The following PPP2R2B variants were observed in gnomAD, a reference collection of about 807,000 sequenced individuals.
PPP2R2B encodes the protein serine/threonine-protein phosphatase 2A 55 kDa regulatory subunit B beta isoform.
A neutral mutation model predicts 46.0 loss-of-function variants in PPP2R2B; 5 were observed. The observed-to-expected ratio is 0.11, with a 90% CI of 0.06 to 0.23. The LOEUF is 0.23. Among genes scored for constraint, PPP2R2B ranks in the 10% least tolerant of loss-of-function variants. The pLI, the probability that PPP2R2B is intolerant of heterozygous loss-of-function variation, is 1.00. For synonymous variants in PPP2R2B, 215 were observed against 206.7 expected, an observed-to-expected ratio of 1.04 and a Z score of -0.34; for missense variants, 367 against 575.0, an observed-to-expected ratio of 0.64 and a Z score of 3.70.
chr5:146,651,476 G>C (rs927449906), intron 5 of PPP2R2B, among the ~76,000 whole-genome samples: 2 of 152,172 alleles, frequency 1.3e-5, no homozygotes, highest in South Asian at 2.1e-4. Context: ...TCTTTCTGGT[G>C]GATCAGAGAA....
chr5:147,055,105 AC>A (rs1206233206), intron 1 of PPP2R2B, among the ~76,000 whole-genome samples: 7 of 152,076 alleles, frequency 4.6e-5, no homozygotes, highest in African/African-American at 1.7e-4. Context: ...TTAACTTAGG[AC>A]CCCCAGAAAC....
intron 1 of PPP2R2B, chr5:146,922,635 C>G (rs1763645670): frequency 6.6e-6 from 1 of 152,166 alleles, no homozygotes; most frequent in East Asian, 1.9e-4. Context: ...ACCCTCTCAG[C>G]ACATAGCATT....
intron 2 of PPP2R2B, among the ~76,000 whole-genome samples, chr5:146,800,307 A>G (rs1373115696): frequency 6.6e-6 from 1 of 152,070 alleles, no homozygotes; most frequent in Non-Finnish European, 1.5e-5. Context: ...AAATTATCTC[A>G]CTTCATCCTC....
At chr5:147,078,947 C>T (rs1210121219) in intron 2 of PPP2R2B, among the ~76,000 whole-genome samples, 1 of 152,034 alleles carries the variant, frequency 6.6e-6, no homozygotes, top group Non-Finnish European at 1.5e-5. Context: ...AAGGCATTCA[C>T]TTGAGCTTCA....
rs1187673755 is a variant in PPP2R2B at position 146,581,676 on chromosome 5, A to C, written c.*8271T>G. 1.3e-5 allele frequency: 2 copies of C among 152,230 alleles called. No homozygotes were observed. Among genetic ancestry groups the C allele is most frequent in the Non-Finnish European group, 2.9e-5 (2 of 68,042 alleles). 9.4% of individuals were successfully genotyped at this position (152,230 alleles called of 1,614,324 possible). On this transcript the variant is annotated 3_prime_UTR_variant, in exon 10 of 10. Coordinates refer to ENST00000394411, the MANE Select transcript of PPP2R2B (RefSeq NM_181675.4). Reference sequence around the variant, plus strand: ...AGAGTCCAGCATAGACTGAAAGGCCATTCCGCAGTGTATTTCAGATCAGTT... The same window carrying C: ...AGAGTCCAGCATAGACTGAAAGGCCCTTCCGCAGTGTATTTCAGATCAGTT...
chr5:146,804,666 A>G (rs1187792477), intron 2 of PPP2R2B, among the ~76,000 whole-genome samples: 1 of 152,152 alleles, frequency 6.6e-6, no homozygotes, highest in Non-Finnish European at 1.5e-5. Flanking sequence ...CTTAAACTGA[A>G]GTGAGGATGG....
At chr5:146,841,291 G>A (rs79848851) in intron 2 of PPP2R2B, among the ~76,000 whole-genome samples, 2,973 of 152,256 alleles carry the variant, frequency 0.02, 89 homozygotes, top group African/African-American at 0.067. Context: ...CCAAAAGGCA[G>A]CATTAACTAC....
intron 2 of PPP2R2B, among the ~76,000 whole-genome samples, chr5:146,715,802 T>G (rs950645638): frequency 5.9e-5 from 9 of 152,180 alleles, no homozygotes; most frequent in Non-Finnish European, 1.0e-4. Flanking sequence ...TATTCTCTTC[T>G]GTATACTATC....
rs540261484 is a variant in PPP2R2B, at chr5:147,022,664, A to C, written c.79+33001T>G. Among the ~76,000 whole-genome samples the C allele has an allele frequency of 8.5e-5, 13 of 152,270 alleles. No individual in the cohort carries two copies. The East Asian group carries it at 2.3e-3, about 27-fold the overall frequency. ...AGAAAATTTTTCTAAGGAACATCATAATAAAATTGCTGAAAACCAATTACA... is the reference window on the plus strand; with the variant it reads ...AGAAAATTTTTCTAAGGAACATCATCATAAAATTGCTGAAAACCAATTACA... On this transcript the variant is annotated intron_variant, in intron 1 of 8. Coordinates refer to the PPP2R2B transcript ENST00000336640.
At chr5:146,714,899 C>CT (rs1326246236) in intron 2 of PPP2R2B, among the ~76,000 whole-genome samples, 2 of 152,068 alleles carry the variant, frequency 1.3e-5, no homozygotes, top group African/African-American at 4.8e-5. Flanking sequence ...CCTCCCTTCC[C>CT]TTCTCCTTTT....
rs1769987333 is a variant in PPP2R2B at position 146,583,268 on chromosome 5, A to G, written c.*6679T>C. 1 of 152,164 alleles carries G rather than the reference A, an allele frequency of 6.6e-6. No individual in the cohort carries two copies. Among genetic ancestry groups the G allele is most frequent in the Admixed American group, 6.5e-5 (1 of 15,280 alleles). 9.4% of individuals were successfully genotyped at this position (152,164 alleles called of 1,614,324 possible). A position where few individuals can be genotyped will look rare whatever the true frequency, so the allele number is the denominator to read the frequency against. On this transcript the variant is annotated 3_prime_UTR_variant, in exon 10 of 10. Coordinates refer to ENST00000394411, the MANE Select transcript of PPP2R2B (RefSeq NM_181675.4). ...GTCCTCCTGGCACCCAGACACATCC[A>G]TCATAGTGCATATGTTTTATAGGAT...
intron 2 of PPP2R2B, among the ~76,000 whole-genome samples, chr5:146,767,981 ACCTGAGGTC>A (rs1776928596): frequency 6.6e-6 from 1 of 152,118 alleles, no homozygotes; most frequent in Non-Finnish European, 1.5e-5. Flanking sequence ...TAAAACAATT[ACCTGAGGTC>A]CTCTGGGGAA....
chr5:146,981,767 G>A (rs572739771), intron 1 of PPP2R2B, among the ~76,000 whole-genome samples: 1 of 152,108 alleles, frequency 6.6e-6, no homozygotes, highest in Admixed American at 6.5e-5. Context: ...CTTAAGCCTT[G>A]GCAACTACTA....
At chr5:146,730,248 T>G (rs919980584) in intron 2 of PPP2R2B, among the ~76,000 whole-genome samples, 2 of 152,176 alleles carry the variant, frequency 1.3e-5, no homozygotes, top group African/African-American at 4.8e-5. Context: ...TATCTCACAT[T>G]TTGAATAGCT....
intron 5 of PPP2R2B, among the ~76,000 whole-genome samples, chr5:146,678,794 T>C (rs1476454275): frequency 8.5e-5 from 11 of 129,010 alleles, no homozygotes; most frequent in Non-Finnish European, 1.7e-4. Context: ...CCATTCACAA[T>C]TGCTTCAAAG....
rs1001452917 is a variant in PPP2R2B, at chr5:146,588,206, C to T, written c.*1741G>A. On this transcript the variant is annotated 3_prime_UTR_variant, in exon 10 of 10. Coordinates refer to ENST00000394411, the MANE Select transcript of PPP2R2B (RefSeq NM_181675.4). Reference sequence around the variant, plus strand: ...ACTGAGAAAGTCTCGTCTTTGTTCCCATGCTCCCTCAATTCTGAGACGTAC... The same window carrying T: ...ACTGAGAAAGTCTCGTCTTTGTTCCTATGCTCCCTCAATTCTGAGACGTAC... The T allele has an allele frequency of 6.6e-6, 1 of 152,192 alleles. No homozygotes were observed. The highest frequency in any genetic ancestry group is 2.4e-5 in the African/African-American group (1 of 41,446). 9.4% of individuals were successfully genotyped at this position (152,192 alleles called of 1,614,324 possible). A position where few individuals can be genotyped will look rare whatever the true frequency, so the allele number is the denominator to read the frequency against.
intron 2 of PPP2R2B, among the ~76,000 whole-genome samples, chr5:146,788,387 T>C (rs982710159): frequency 1.1e-4 from 16 of 151,356 alleles, no homozygotes; most frequent in African/African-American, 3.9e-4. Flanking sequence ...AGGTTTAGGT[T>C]GGACAGAGCA....
intron 2 of PPP2R2B, among the ~76,000 whole-genome samples, chr5:146,741,754 C>A (rs1389956376): frequency 5.3e-5 from 8 of 152,186 alleles, no homozygotes; most frequent in Non-Finnish European, 1.2e-4. Flanking sequence ...GGCCACATAA[C>A]TTTTAATGTA....
At chr5:146,960,761 T>C (rs1308162295) in intron 1 of PPP2R2B, among the ~76,000 whole-genome samples, 1 of 152,130 alleles carries the variant, frequency 6.6e-6, no homozygotes, top group East Asian at 1.9e-4. Flanking sequence ...TTTTACATAT[T>C]TGAGGAAAAG....
Sources: allele counts gnomAD v4.1 joint callset (sites outside exome capture counted in the v4.1 genomes callset), GRCh38; gene constraint gnomAD v4.1.1; transcripts MANE v1.5; gene names NCBI Gene and HGNC (gene_info 2026-07-23, HGNC 2026-07-21).